EPB41L4A: variants seen among roughly 807,000 people sequenced by gnomAD.
The protein encoded by EPB41L4A is band 4.1-like protein 4A.
EPB41L4A carries 100 observed loss-of-function variants against 108.6 expected under a neutral mutation model. That is an observed-to-expected ratio of 0.92 (90% CI 0.78 to 1.09). The LOEUF (loss-of-function observed/expected upper bound fraction) is 1.09, where lower values mean the gene tolerates loss of function less well. Among genes scored for constraint, EPB41L4A ranks in the 50% least tolerant of loss-of-function variants. The pLI is 0.00. For synonymous variants in EPB41L4A, 319 were observed against 289.0 expected, an observed-to-expected ratio of 1.10 and a Z score of -1.05; for missense variants, 1,030 against 842.7, an observed-to-expected ratio of 1.22 and a Z score of -2.75.
chr5:112,221,559 G>C (rs1748049057), intron 12 of EPB41L4A, among the ~76,000 whole-genome samples: 1 of 152,118 alleles, frequency 6.6e-6, no homozygotes, highest in Non-Finnish European at 1.5e-5. Context: ...TTTATATAAA[G>C]CCTTTAGCAC....
At position 112,234,697 on chromosome 5, in the gene EPB41L4A, G is replaced by A. The variant is rs780125240; in HGVS notation, c.1024C>T (p.Gln342Ter). The A allele has an allele frequency of 9.9e-6, 16 of 1,613,536 alleles. No homozygotes were observed. In the African/African-American group the frequency reaches 2.1e-4, roughly 22 times the overall value. Reference sequence around the variant, plus strand: ...TTGCTTCGACTTCTTGTCACATTCTGATCAGGCCGGGGAAGCTGAATAGAA... The same window carrying A: ...TTGCTTCGACTTCTTGTCACATTCTAATCAGGCCGGGGAAGCTGAATAGAA... The part of the protein sequence containing the change: ...DLSIQLPRPD[Q>*]NVTRSRSKTY... Residue 342 changes from glutamine (Q) to a stop codon, truncating the protein, a stop_gained, in exon 12 of 23, where the codon CAG becomes TAG. Coordinates refer to ENST00000261486, the MANE Select transcript of EPB41L4A (RefSeq NM_022140.5). LOFTEE classifies it high-confidence loss of function.
intron 9 of EPB41L4A, among the ~76,000 whole-genome samples, chr5:112,245,665 T>G (rs912321133): frequency 7.2e-5 from 11 of 152,156 alleles, no homozygotes; most frequent in South Asian, 2.1e-4. Flanking sequence ...GGTTGAAATA[T>G]TCTGATTTTG....
At chr5:112,405,163 T>C (rs1033289173) in intron 1 of EPB41L4A, among the ~76,000 whole-genome samples, 11 of 152,182 alleles carry the variant, frequency 7.2e-5, no homozygotes, top group African/African-American at 1.9e-4. Context: ...CTCGGGTCAC[T>C]TTCCATGGAG....
intron 2 of EPB41L4A, among the ~76,000 whole-genome samples, chr5:112,294,147 T>C (rs530736011): frequency 6.6e-6 from 1 of 152,252 alleles, no homozygotes; most frequent in Non-Finnish European, 1.5e-5. Context: ...TTGTTTCTTA[T>C]AATCCCAATA....
intron 1 of EPB41L4A, among the ~76,000 whole-genome samples, chr5:112,357,462 C>G (rs1400422055): frequency 5.9e-5 from 9 of 152,218 alleles, no homozygotes; most frequent in African/African-American, 1.7e-4. Flanking sequence ...AACACCTACT[C>G]CTAGCATACA....
At chr5:112,363,419 A>G (rs1184739503) in intron 1 of EPB41L4A, 1 of 59,152 alleles carries the variant, frequency 1.7e-5, no homozygotes, top group Non-Finnish European at 3.5e-5. Flanking sequence ...TTGACTCTAC[A>G]AAAAAAAAAA....
chr5:112,364,984 C>A (rs1287642046), intron 1 of EPB41L4A, among the ~76,000 whole-genome samples: 2 of 151,970 alleles, frequency 1.3e-5, no homozygotes, highest in Non-Finnish European at 2.9e-5. Context: ...AGATAAATAT[C>A]CTGGAAAATT....
At chr5:112,299,832 G>A (rs1230128178) in intron 2 of EPB41L4A, among the ~76,000 whole-genome samples, 1 of 152,096 alleles carries the variant, frequency 6.6e-6, no homozygotes, top group African/African-American at 2.4e-5. Context: ...TTACAAATTT[G>A]GGAACTCCCG....
At chr5:112,196,445 C>A (rs932769747) in intron 15 of EPB41L4A, among the ~76,000 whole-genome samples, 1 of 152,158 alleles carries the variant, frequency 6.6e-6, no homozygotes, top group Non-Finnish European at 1.5e-5. Flanking sequence ...AGCACTCAAC[C>A]AAGATAAGCT....
chr5:112,189,663 T>A (rs568279887), intron 17 of EPB41L4A, among the ~76,000 whole-genome samples: 2 of 152,312 alleles, frequency 1.3e-5, no homozygotes, highest in Non-Finnish European at 2.9e-5. Flanking sequence ...AAGTTATTTC[T>A]ACTTTTATGC....
chr5:112,383,625 A>G (rs923794393), intron 1 of EPB41L4A, among the ~76,000 whole-genome samples: 3 of 152,242 alleles, frequency 2.0e-5, no homozygotes, highest in Non-Finnish European at 2.9e-5. Flanking sequence ...TAAATTAAAG[A>G]GCAATACAAA....
At chr5:112,339,514 A>ATCTG (rs373701616) in intron 1 of EPB41L4A, among the ~76,000 whole-genome samples, 1 of 105,040 alleles carries the variant, frequency 9.5e-6, no homozygotes, top group Non-Finnish European at 1.8e-5. Flanking sequence ...ATATATAGAT[A>ATCTG]TATAGATATA....
At chr5:112,354,120 G>A (rs1412693218) in intron 1 of EPB41L4A, among the ~76,000 whole-genome samples, 1 of 152,198 alleles carries the variant, frequency 6.6e-6, no homozygotes, top group East Asian at 1.9e-4. Context: ...AACAAAGATA[G>A]TAAGAGTACT....
intron 2 of EPB41L4A, among the ~76,000 whole-genome samples, chr5:112,300,226 T>C (rs1580638261): frequency 9.5e-6 from 1 of 105,164 alleles, no homozygotes; most frequent in South Asian, 2.3e-4. Flanking sequence ...CTTAATTATA[T>C]TTTTGTTTTA....
At chr5:112,247,295 G>A (rs1054849994) in intron 9 of EPB41L4A, among the ~76,000 whole-genome samples, 2 of 152,140 alleles carry the variant, frequency 1.3e-5, no homozygotes, top group Non-Finnish European at 2.9e-5. Context: ...TTCCAAAATA[G>A]AATGTACAAG....
intron 1 of EPB41L4A, among the ~76,000 whole-genome samples, chr5:112,353,371 G>A (rs560632821): frequency 6.6e-6 from 1 of 152,352 alleles, no homozygotes; most frequent in African/African-American, 2.4e-5. Context: ...GTGGCGGGCT[G>A]AGCAGGCCCT....
rs147558981 is a variant in EPB41L4A, at chr5:112,189,455, C to T, written c.1502+5113G>A. Among the ~76,000 whole-genome samples, 279 of 152,282 alleles carry T rather than the reference C, an allele frequency of 1.8e-3. 1 individual carries two copies. The highest frequency in any genetic ancestry group is 6.8e-3 in the Middle Eastern group (2 of 294). On this transcript the variant is annotated intron_variant, in intron 17 of 22. Transcript: ENST00000261486. ...AGTGGGTTCAATTTCATAGTACAGG[C>T]TCCCAGATTTGCATGTACATATATA...
rs539878372 is a variant in EPB41L4A at position 112,273,505 on chromosome 5, T to C, written c.335+1821A>G. On this transcript the variant is annotated intron_variant, in intron 4 of 22. Coordinates refer to ENST00000261486, the MANE Select transcript of EPB41L4A (RefSeq NM_022140.5). Reference sequence around the variant, plus strand: ...AAGTATTTTTGGACCCTAACCCCTATTGAAGATATAATTCCACTATACATC... The same window carrying C: ...AAGTATTTTTGGACCCTAACCCCTACTGAAGATATAATTCCACTATACATC... Among the ~76,000 whole-genome samples the C allele has an allele frequency of 4.6e-5, 7 of 152,308 alleles. 1 individual carries two copies. The highest frequency in any genetic ancestry group is 1.4e-4 in the African/African-American group (6 of 41,576).
chr5:112,300,173 T>C (rs13166322), intron 2 of EPB41L4A, among the ~76,000 whole-genome samples: 9,482 of 152,258 alleles, frequency 0.062, 368 homozygotes, highest in Middle Eastern at 0.099. Context: ...TGAGGTACTA[T>C]TCCATTCATT....
Sources: gnomAD v4.1 joint callset for allele counts (sites outside exome capture counted in the v4.1 genomes callset) on GRCh38, gnomAD v4.1.1 for gene constraint, MANE v1.5 for transcripts, NCBI Gene and HGNC (gene_info 2026-07-23, HGNC 2026-07-21) for gene names.